The following SEM1 variants were observed in gnomAD, a reference collection of about 807,000 sequenced individuals.
SEM1 encodes the protein 26S proteasome complex subunit SEM1.
A neutral mutation model predicts 12.7 loss-of-function variants in SEM1; 3 were observed. The observed-to-expected ratio is 0.24, with a 90% CI of 0.11 to 0.61. SEM1 has a LOEUF of 0.61. Among genes scored for constraint, SEM1 ranks in the 20% least tolerant of loss-of-function variants. The probability of loss-of-function intolerance (pLI) is 0.88; values close to 1 mark genes in which losing one functional copy is unlikely to be tolerated. For synonymous variants in SEM1, 30 were observed against 27.8 expected, an observed-to-expected ratio of 1.08 and a Z score of -0.25; for missense variants, 59 against 81.3, an observed-to-expected ratio of 0.73 and a Z score of 1.06.
At chr7:96,516,989 A>G (rs1417543605) in intron 2 of SEM1, among the ~76,000 whole-genome samples, 6 of 152,166 alleles carry the variant, frequency 3.9e-5, no homozygotes, top group Admixed American at 3.9e-4. Flanking sequence ...TACATACTGT[A>G]TGATTCCAAC....
intron 2 of SEM1, among the ~76,000 whole-genome samples, chr7:96,610,611 T>C (rs1448481449): frequency 6.6e-6 from 1 of 152,224 alleles, no homozygotes; most frequent in African/African-American, 2.4e-5. Flanking sequence ...TAAAACGAAT[T>C]TCTAAAATTA....
chr7:96,613,737 A>G (rs561728063), intron 2 of SEM1, among the ~76,000 whole-genome samples: 4 of 152,236 alleles, frequency 2.6e-5, no homozygotes, highest in African/African-American at 9.6e-5. Flanking sequence ...CCACTGTTCT[A>G]TTATCTACTT....
intron 2 of SEM1, among the ~76,000 whole-genome samples, chr7:96,517,572 A>T (rs550020179): frequency 6.6e-6 from 1 of 152,234 alleles, no homozygotes; most frequent in Middle Eastern, 3.4e-3. Flanking sequence ...CGAGATGGGG[A>T]AACTTCATAT....
exon 3 of SEM1, chr7:96,673,510 C>T (rs1789375736): frequency 2.1e-6 from 1 of 472,408 alleles, no homozygotes; most frequent in Non-Finnish European, 3.8e-6. Flanking sequence ...TATGTAGCTA[C>T]AGGAAGTATC....
chr7:96,519,343 T>G (rs187426446), intron 2 of SEM1, among the ~76,000 whole-genome samples: 26 of 152,256 alleles, frequency 1.7e-4, no homozygotes, highest in African/African-American at 5.5e-4. Flanking sequence ...AAAAACCCAA[T>G]TTCCTCTCCT....
At chr7:96,627,095 C>A (rs1241246222) in intron 2 of SEM1, among the ~76,000 whole-genome samples, 1 of 151,954 alleles carries the variant, frequency 6.6e-6, no homozygotes, top group Non-Finnish European at 1.5e-5. Flanking sequence ...TGAATTTCTG[C>A]AGTATCAGTT....
rs771203375 is a variant in SEM1, at chr7:96,709,797, G to A, written c.-34C>T. 3 of 1,608,542 alleles carry A rather than the reference G, an allele frequency of 1.9e-6. No homozygotes were observed. Among genetic ancestry groups the A allele is most frequent in the African/African-American group, 1.3e-5 (1 of 74,628 alleles). ...TCCGCGCCCAACACCTCCCAGATAA[G>A]CAGAAAAGTTGGAACCCTCACTCTT... On this transcript the variant is annotated 5_prime_UTR_variant, in exon 1 of 3. Transcript: ENST00000248566.
At chr7:96,576,195 C>A (rs1161865459) in intron 2 of SEM1, among the ~76,000 whole-genome samples, 1 of 152,110 alleles carries the variant, frequency 6.6e-6, no homozygotes, top group Non-Finnish European at 1.5e-5. Context: ...TATCTTTTTC[C>A]TTTCAACCAT....
chr7:96,508,306 T>G (rs1170842369), intron 2 of SEM1, among the ~76,000 whole-genome samples: 2 of 152,004 alleles, frequency 1.3e-5, no homozygotes, highest in Admixed American at 1.3e-4. Flanking sequence ...TTAGTACAAT[T>G]TATTAAGAAA....
intron 1 of SEM1, among the ~76,000 whole-genome samples, chr7:96,708,850 C>T (rs898564619): frequency 5.3e-5 from 8 of 151,984 alleles, no homozygotes; most frequent in African/African-American, 1.9e-4. Flanking sequence ...AAGTAAAGCA[C>T]TTAGACAAGT....
intron 2 of SEM1, among the ~76,000 whole-genome samples, chr7:96,600,115 C>T (rs1807153139): frequency 6.6e-6 from 1 of 152,262 alleles, no homozygotes; most frequent in East Asian, 1.9e-4. Context: ...TTTTAAATGC[C>T]ATTTCTGATT....
chr7:96,671,651 C>A (rs1281763534), downstream of SEM1, among the ~76,000 whole-genome samples: 3 of 152,172 alleles, frequency 2.0e-5, no homozygotes, highest in African/African-American at 7.2e-5. Context: ...AAAAGGAATT[C>A]TTACAGTTAA....
intron 2 of SEM1, among the ~76,000 whole-genome samples, chr7:96,567,153 T>C (rs149835297): frequency 9.2e-5 from 14 of 151,748 alleles, no homozygotes; most frequent in Non-Finnish European, 1.6e-4. Flanking sequence ...TATAGGTAAA[T>C]ACAGAGAGAT....
chr7:96,597,867 A>G (rs1328364758), intron 2 of SEM1, among the ~76,000 whole-genome samples: 1 of 151,872 alleles, frequency 6.6e-6, no homozygotes, highest in East Asian at 1.9e-4. Context: ...TTTTTCTTAT[A>G]TTTCTTTTTG....
intron 2 of SEM1, among the ~76,000 whole-genome samples, chr7:96,510,782 T>C (rs1240070797): frequency 1.3e-5 from 2 of 152,254 alleles, no homozygotes; most frequent in African/African-American, 4.8e-5. Context: ...CAAATGAGAA[T>C]CTCTGCAGGT....
At chr7:96,670,905 A>G (rs1789297336), downstream of SEM1, among the ~76,000 whole-genome samples, 1 of 152,200 alleles carries the variant, frequency 6.6e-6, no homozygotes, top group Non-Finnish European at 1.5e-5. Flanking sequence ...CTGTGTTTAT[A>G]GCTTGAAATA....
At chr7:96,593,525 C>T (rs764548892) in intron 2 of SEM1, among the ~76,000 whole-genome samples, 43 of 152,056 alleles carry the variant, frequency 2.8e-4, no homozygotes, top group Non-Finnish European at 5.6e-4. Flanking sequence ...CCCAGTGTGC[C>T]GTATGTGAAG....
At position 96,688,846 on chromosome 7, in the gene SEM1, G is replaced by C; in HGVS notation, c.*78C>G. 1.3e-6 allele frequency: 1 copy of C among 771,586 alleles called. No individual in the cohort carries two copies. The highest frequency in any genetic ancestry group is 2.2e-6 in the Non-Finnish European group (1 of 455,610). 47.8% of individuals were successfully genotyped at this position (771,586 alleles called of 1,614,324 possible). On this transcript the variant is annotated 3_prime_UTR_variant, in exon 3 of 3. Transcript: ENST00000248566. ...ATAATGAAATAAACACATTTTTTTA[G>C]TGTCCCATCCTGGGTTCTCTGCCCT... is the stretch of plus-strand genomic sequence containing the variant.
chr7:96,605,306 G>A (rs557878063), intron 2 of SEM1, among the ~76,000 whole-genome samples: 1 of 152,128 alleles, frequency 6.6e-6, no homozygotes. Context: ...ACGAACTATG[G>A]TGTCTTGAAT....
Sources: gnomAD v4.1 joint callset for allele counts (sites outside exome capture counted in the v4.1 genomes callset) on GRCh38, gnomAD v4.1.1 for gene constraint, MANE v1.5 for transcripts, NCBI Gene and HGNC (gene_info 2026-07-23, HGNC 2026-07-21) for gene names.